The following DNAH3 variants were observed in gnomAD, a reference collection of about 807,000 sequenced individuals.
DNAH3 encodes the protein axonemal beta dynein heavy chain 3.
Under a neutral mutation model 432.5 loss-of-function variants are expected in DNAH3, and 332 were observed. The ratio of observed to expected loss-of-function variants is 0.77; its 90% CI spans 0.70 to 0.84. The LOEUF (loss-of-function observed/expected upper bound fraction) is 0.84, where lower values mean the gene tolerates loss of function less well. Ranked by LOEUF, DNAH3 falls within the 40% of genes least tolerant of loss-of-function variation. The pLI, the probability that DNAH3 is intolerant of heterozygous loss-of-function variation, is 0.00. For synonymous variants in DNAH3, 1,956 were observed against 1,900.2 expected (o/e 1.03, Z -0.76); for missense variants, 4,861 against 5,114.0 (o/e 0.95, Z 1.51).
intron 28 of DNAH3, 54 bp downstream of exon 28, chr16:21,054,366 C>T: frequency 7.4e-7 from 1 of 1,353,602 alleles, no homozygotes; most frequent in Non-Finnish European, 1.1e-6. Context: ...ATGAGCAAGA[C>T]TAGACTGCTT....
intron 36 of DNAH3, 123 bp downstream of exon 36, chr16:21,033,851 A>G: frequency 4.8e-6 from 3 of 625,334 alleles, no homozygotes; most frequent in Non-Finnish European, 8.4e-6. Flanking sequence ...GCCATGTTCT[A>G]TTTCTAGCTC....
At chr16:21,112,905 C>G (rs575788526) in intron 12 of DNAH3, among the ~76,000 whole-genome samples, 1 of 152,260 alleles carries the variant, frequency 6.6e-6, no homozygotes, top group South Asian at 2.1e-4. Context: ...TTGTTTTAGC[C>G]AATTTCTCCC....
chr16:20,982,522 C>G (rs1002576769), intron 49 of DNAH3, among the ~76,000 whole-genome samples, 199 bp downstream of exon 49: 2 of 152,142 alleles, frequency 1.3e-5, no homozygotes, highest in African/African-American at 4.8e-5. Context: ...ATCTCCAGGA[C>G]AATTCTGAAC....
intron 44 of DNAH3, among the ~76,000 whole-genome samples, chr16:20,993,871 A>G (rs1322450123): frequency 6.6e-6 from 1 of 151,106 alleles, no homozygotes; most frequent in African/African-American, 2.4e-5. Context: ...TTGAAAGCCC[A>G]CTCTTTTATG....
At chr16:20,948,674 G>A in intron 56 of DNAH3, 37 bp from the exon 57 acceptor site, 3 of 1,611,592 alleles carry the variant, frequency 1.9e-6, no homozygotes, top group Non-Finnish European at 2.5e-6. Flanking sequence ...TTGAGCCCAG[G>A]GAAGGTCATC....
At chr16:21,117,384 G>A in intron 11 of DNAH3, 45 bp from the exon 12 acceptor site, 1 of 1,104,068 alleles carries the variant, frequency 9.1e-7, no homozygotes, top group East Asian at 2.4e-5. Context: ...ACTTAAGAAG[G>A]GAGATGGTAC....
At chr16:21,109,737 T>A (rs201320834) in intron 14 of DNAH3, among the ~76,000 whole-genome samples, 1 of 151,366 alleles carries the variant, frequency 6.6e-6, no homozygotes, top group Non-Finnish European at 1.5e-5. Flanking sequence ...CCTCTCTCTT[T>A]TTTTTTTTTC....
At chr16:20,971,307 A>G (rs546377512) in intron 51 of DNAH3, among the ~76,000 whole-genome samples, 24 of 152,196 alleles carry the variant, frequency 1.6e-4, no homozygotes, top group Non-Finnish European at 3.2e-4. Flanking sequence ...AACTCCTAAT[A>G]TGGATTTCAT....
At chr16:21,076,427 A>T (rs1271428404) in intron 20 of DNAH3, among the ~76,000 whole-genome samples, 1 of 152,206 alleles carries the variant, frequency 6.6e-6, no homozygotes, top group Non-Finnish European at 1.5e-5. Context: ...TAAGCCACTC[A>T]GTCTGTGGTA....
exon 26 of DNAH3, chr16:21,060,326 C>G: frequency 1.2e-6 from 2 of 1,614,002 alleles, no homozygotes; most frequent in Non-Finnish European, 1.7e-6. Flanking sequence ...ATCATCTGCT[C>G]CACCTGCTGG....
chr16:21,111,921 GACAC>G (rs1254294831), intron 13 of DNAH3, 68 bp downstream of exon 13: 14 of 1,547,954 alleles, frequency 9.0e-6, no homozygotes, highest in Non-Finnish European at 1.2e-5. Context: ...GCACCAAAGA[GACAC>G]TAACTGCTCA....
rs542494805 is a variant in DNAH3 at position 21,079,205 on chromosome 16, G to A, written c.2969+2431C>T. On this transcript the variant is annotated intron_variant, in intron 20 of 61. Transcript: ENST00000261383. Reference sequence around the variant, plus strand: ...TTCAAATCTTGATTCTTTCCTAAGTGAAATGTTCATTCTTTCGGTTACTAG... The same window carrying A: ...TTCAAATCTTGATTCTTTCCTAAGTAAAATGTTCATTCTTTCGGTTACTAG... Among the ~76,000 whole-genome samples the A allele has an allele frequency of 1.4e-4, 21 of 152,330 alleles. 1 individual carries two copies. In the South Asian group the frequency reaches 4.1e-3, roughly 30 times the overall value.
intron 56 of DNAH3, among the ~76,000 whole-genome samples, 157 bp from the exon 57 acceptor site, chr16:20,948,794 T>G (rs1413257393): frequency 6.6e-6 from 1 of 151,826 alleles, no homozygotes; most frequent in Non-Finnish European, 1.5e-5. Flanking sequence ...AGATGGCGGG[T>G]CCCCTGCAAG....
intron 20 of DNAH3, 102 bp downstream of exon 20, chr16:21,081,534 G>GAAA: frequency 1.1e-6 from 1 of 884,672 alleles, no homozygotes; most frequent in South Asian, 1.8e-5. Flanking sequence ...ACGCCACAAG[G>GAAA]AAAAAAAAAC....
At position 21,013,719 on chromosome 16, in the gene DNAH3, C is replaced by CAAA. The variant is rs557641711; in HGVS notation, c.6022+5902_6022+5904dup. Reference sequence around the variant, plus strand: ...GGGCAACAAGAGTGAAACTCCATCTCAAAAAAAAAAAAAAAAAAAAACTAA... The same window carrying CAAA: ...GGGCAACAAGAGTGAAACTCCATCTCAAAAAAAAAAAAAAAAAAAAAAAACTAA... On this transcript the variant is annotated intron_variant, in intron 41 of 61. Transcript: ENST00000261383. Among the ~76,000 whole-genome samples, 219 of 47,132 alleles carry CAAA rather than the reference C, an allele frequency of 4.6e-3. 2 individuals carry two copies. The highest frequency in any genetic ancestry group is 0.026 in the Middle Eastern group (2 of 76). 30.9% of individuals were successfully genotyped at this position (47,132 alleles called of 152,430 possible).
At chr16:21,129,438 T>C (rs1193756376) in intron 7 of DNAH3, 1 of 152,022 alleles carries the variant, frequency 6.6e-6, no homozygotes, top group East Asian at 1.9e-4. Flanking sequence ...TGTCAAGAAA[T>C]GCACCCTGGG....
chr16:21,136,673 G>A (rs1224195393), intron 5 of DNAH3, 160 bp from the exon 7 acceptor site: 3 of 679,420 alleles, frequency 4.4e-6, no homozygotes, highest in Non-Finnish European at 7.6e-6. Context: ...CACACTCATG[G>A]CAAGAAGATC....
At chr16:21,086,980 T>G in exon 19 of DNAH3, 1 of 1,614,170 alleles carries the variant, frequency 6.2e-7, no homozygotes, top group Non-Finnish European at 8.5e-7. Context: ...TCAGACAAGG[T>G]CTTGATCAGT....
chr16:21,000,278 G>C (rs1207220417), exon 43 of DNAH3: 1 of 1,613,952 alleles, frequency 6.2e-7, no homozygotes, highest in Non-Finnish European at 8.5e-7. Flanking sequence ...CCCTTCCGTC[G>C]TCGATCCAGC....
Sources: allele counts gnomAD v4.1 joint callset (sites outside exome capture counted in the v4.1 genomes callset), GRCh38; gene constraint gnomAD v4.1.1; transcripts MANE v1.5; gene names NCBI Gene and HGNC (gene_info 2026-07-23, HGNC 2026-07-21).